NRG4: variants seen among roughly 807,000 people sequenced by gnomAD.
NRG4 encodes neuregulin 4, also known as pro-neuregulin-4, membrane-bound isoform.
A neutral mutation model predicts 15.0 loss-of-function variants in NRG4; 10 were observed. The ratio of observed to expected loss-of-function variants is 0.67; its 90% CI spans 0.41 to 1.13. NRG4 has a LOEUF of 1.13. Ranked by LOEUF, NRG4 falls within the 50% of genes most tolerant of loss-of-function variation. The probability of loss-of-function intolerance (pLI) is 0.00; values close to 1 mark genes in which losing one functional copy is unlikely to be tolerated. For synonymous variants in NRG4, 41 were observed against 50.1 expected, an observed-to-expected ratio of 0.82 and a Z score of 0.77; for missense variants, 139 against 140.2, an observed-to-expected ratio of 0.99 and a Z score of 0.04.
At chr15:75,939,307 G>A (rs867710295), downstream of NRG4, 4 of 152,020 alleles carry the variant, frequency 2.6e-5, no homozygotes, top group South Asian at 2.1e-4. Context: ...GAATACCTTC[G>A]ACAATCTAGA....
In NRG4 at chr15:75,975,332, C is replaced by T. The variant is rs548635957; in HGVS notation, c.105-13358G>A. On this transcript the variant is annotated intron_variant, in intron 3 of 5. Transcript: ENST00000394907. ...GCCAGTCTGTGTCTTTTAATTGGGG[C>T]ATTTAGCCCATTTACATTTAAGGTT... is the stretch of plus-strand genomic sequence containing the variant. 5.3e-3 allele frequency among the ~76,000 whole-genome samples: 813 copies of T among 152,280 alleles called. 10 individuals carry two copies. The highest frequency in any genetic ancestry group is 0.019 in the African/African-American group (770 of 41,544).
At chr15:75,950,406 TGAGCATAGCCAG>T (rs2141781035) in intron 5 of NRG4, 1 of 212,428 alleles carries the variant, frequency 4.7e-6, no homozygotes, top group South Asian at 9.3e-5. Context: ...CAAAACCCTC[TGAGCATAGCCAG>T]GATGCTGTGG....
At chr15:75,961,749 C>A in intron 4 of NRG4, 79 bp downstream of exon 4, 1 of 993,816 alleles carries the variant, frequency 1.0e-6, no homozygotes, top group Non-Finnish European at 1.5e-6. Context: ...ATATCTAGAA[C>A]TAAGGGCATA....
chr15:76,009,853 AAC>A (rs2034744084), intron 2 of NRG4, among the ~76,000 whole-genome samples: 1 of 152,192 alleles, frequency 6.6e-6, no homozygotes, highest in South Asian at 2.1e-4. Context: ...TGTTTTAGGT[AAC>A]AGTTACTAAC....
upstream of NRG4, chr15:76,059,937 G>C (rs1427421735): frequency 2.7e-5 from 4 of 148,122 alleles, no homozygotes; most frequent in Admixed American, 1.3e-4. Flanking sequence ...GGGGCGGGGG[G>C]GCGGAGAGGG....
intron 4 of NRG4, among the ~76,000 whole-genome samples, chr15:76,046,305 T>C (rs1338395435): frequency 2.0e-5 from 3 of 151,066 alleles, no homozygotes; most frequent in Non-Finnish European, 4.4e-5. Context: ...CAATGCAATC[T>C]CTATCAAAAT....
At chr15:75,981,846 G>A (rs1186447564) in intron 3 of NRG4, among the ~76,000 whole-genome samples, 1 of 152,006 alleles carries the variant, frequency 6.6e-6, no homozygotes, top group Non-Finnish European at 1.5e-5. Flanking sequence ...TCAGAAAAGA[G>A]GCTATTTTGA....
chr15:76,016,253 G>A (rs1462825366), upstream of NRG4, among the ~76,000 whole-genome samples: 5 of 151,198 alleles, frequency 3.3e-5, no homozygotes, highest in African/African-American at 1.2e-4. Context: ...TATTAGTCTA[G>A]CAGTCTATTT....
chr15:75,961,823 C>G lies in NRG4; in HGVS notation c.251+5G>C. 6.2e-7 allele frequency: 1 copy of G among 1,604,704 alleles called. No individual in the cohort carries two copies. Among genetic ancestry groups the G allele is most frequent in the Non-Finnish European group, 8.5e-7 (1 of 1,175,478 alleles). Reference sequence around the variant, plus strand: ...TTCTCAAAAGCATGTTTCTATTTTACTTACCTGCAAAGGAAGTAGAAGGCT... The same window carrying G: ...TTCTCAAAAGCATGTTTCTATTTTAGTTACCTGCAAAGGAAGTAGAAGGCT... On this transcript the variant is annotated splice_donor_5th_base_variant and intron_variant, in intron 4 of 5. Transcript: ENST00000394907.
chr15:75,946,608 C>T (rs1050567738), intron 5 of NRG4, among the ~76,000 whole-genome samples: 12 of 152,186 alleles, frequency 7.9e-5, no homozygotes, highest in Non-Finnish European at 1.3e-4. Context: ...ATCCGCCTGC[C>T]TCAGCCTCCC....
chr15:76,011,324 GTCT>G, intron 1 of NRG4, 38 bp from the exon 2 acceptor site: 4 of 1,074,478 alleles, frequency 3.7e-6, no homozygotes, highest in African/African-American at 1.6e-5. Context: ...AGGGAAAATA[GTCT>G]TCTTTTAAGG....
chr15:76,003,391 T>C (rs2034483055), intron 3 of NRG4, among the ~76,000 whole-genome samples: 1 of 151,940 alleles, frequency 6.6e-6, no homozygotes, highest in Non-Finnish European at 1.5e-5. Context: ...TGTTGAGTCA[T>C]CTACCAGAAA....
rs558911879 is a variant in NRG4 at position 75,948,393 on chromosome 15, G to A, written c.332-4739C>T. The stretch of plus-strand genomic sequence containing the variant: ...CGGCTCACTTCATCCTCCGCCTGCC[G>A]GCTTCAAGCAATTCTCCTGCCTCAG... On this transcript the variant is annotated intron_variant, in intron 5 of 5. Transcript: ENST00000394907. 1.5e-3 allele frequency among the ~76,000 whole-genome samples: 227 copies of A among 151,724 alleles called. 2 individuals are homozygous for A. The highest frequency in any genetic ancestry group is 5.1e-3 in the African/African-American group (209 of 41,320).
At chr15:75,972,026 ATC>A (rs1312396027) in intron 3 of NRG4, among the ~76,000 whole-genome samples, 3 of 152,166 alleles carry the variant, frequency 2.0e-5, no homozygotes, top group Non-Finnish European at 4.4e-5. Flanking sequence ...CTTCTCCAGC[ATC>A]TGTTGTTTCC....
chr15:76,054,154 C>T (rs2141969349), intron 2 of NRG4, among the ~76,000 whole-genome samples: 1 of 150,610 alleles, frequency 6.6e-6, no homozygotes, highest in South Asian at 2.1e-4. Flanking sequence ...GTGGTGCAAC[C>T]TTGGCTTACT....
intron 3 of NRG4, among the ~76,000 whole-genome samples, chr15:75,967,456 ATTTTTTTT>A (rs71140189): frequency 2.0e-5 from 2 of 100,178 alleles, no homozygotes; most frequent in African/African-American, 7.2e-5. Context: ...AAAATCTTAG[ATTTTTTTT>A]TTTTTTTTTT....
chr15:75,943,042 A>G lies in NRG4; in HGVS notation c.*596T>C, dbSNP rs2031163684. 1 of 152,232 alleles carries G rather than the reference A, an allele frequency of 6.6e-6. No individual in the cohort carries two copies. Among genetic ancestry groups the G allele is most frequent in the Non-Finnish European group, 1.5e-5 (1 of 68,054 alleles). 9.4% of individuals were successfully genotyped at this position (152,232 alleles called of 1,614,324 possible). A position where few individuals can be genotyped will look rare whatever the true frequency, so the allele number is the denominator to read the frequency against. ...AGAATTAGTCAATCTTTTGCAGTCAAAATTTTGGGTTTTTGTTTCTTCCTT... is the reference window on the plus strand; with the variant it reads ...AGAATTAGTCAATCTTTTGCAGTCAGAATTTTGGGTTTTTGTTTCTTCCTT... On this transcript the variant is annotated 3_prime_UTR_variant, in exon 6 of 6. Transcript: ENST00000394907.
intron 4 of NRG4, among the ~76,000 whole-genome samples, chr15:76,049,862 C>G (rs1393443054): frequency 3.3e-5 from 5 of 150,950 alleles, no homozygotes; most frequent in African/African-American, 1.2e-4. Context: ...CCATCCTTCT[C>G]TCTAGTCTTG....
chr15:75,973,841 G>T (rs890289294), intron 3 of NRG4, among the ~76,000 whole-genome samples: 1 of 152,188 alleles, frequency 6.6e-6, no homozygotes, highest in African/African-American at 2.4e-5. Context: ...TTTTTATTGT[G>T]TCTCTGCCAG....
Sources: allele counts gnomAD v4.1 joint callset (sites outside exome capture counted in the v4.1 genomes callset), GRCh38; gene constraint gnomAD v4.1.1; transcripts MANE v1.5; gene names NCBI Gene and HGNC (gene_info 2026-07-23, HGNC 2026-07-21).